Variants in NAALADL2 observed in about 807,000 individuals in gnomAD.
The protein encoded by NAALADL2 is inactive N-acetylated-alpha-linked acidic dipeptidase-like protein 2.
Under a neutral mutation model 87.2 loss-of-function variants are expected in NAALADL2, and 76 were observed. The observed-to-expected ratio is 0.87, with a 90% CI of 0.72 to 1.05. NAALADL2 has a LOEUF of 1.05. Ranked by LOEUF, NAALADL2 falls within the 50% of genes least tolerant of loss-of-function variation. The pLI, the probability that NAALADL2 is intolerant of heterozygous loss-of-function variation, is 0.00. For synonymous variants in NAALADL2, 354 were observed against 331.0 expected, an observed-to-expected ratio of 1.07 and a Z score of -0.75; for missense variants, 1,089 against 945.8, an observed-to-expected ratio of 1.15 and a Z score of -1.99.
intron 5 of NAALADL2, among the ~76,000 whole-genome samples, chr3:175,406,983 C>T (rs1415288412): frequency 1.3e-5 from 2 of 152,030 alleles, no homozygotes; most frequent in Non-Finnish European, 2.9e-5. Flanking sequence ...GATTTCAAGA[C>T]CAGCCTGGCT....
intron 2 of NAALADL2, among the ~76,000 whole-genome samples, chr3:174,626,225 A>G (rs1721564432): frequency 6.6e-6 from 1 of 151,834 alleles, no homozygotes; most frequent in Non-Finnish European, 1.5e-5. Context: ...AGTTAGTTTT[A>G]AATTCAAATA....
intron 1 of NAALADL2, among the ~76,000 whole-genome samples, chr3:175,058,402 A>G (rs149758906): frequency 2.5e-3 from 382 of 152,322 alleles, no homozygotes; most frequent in Non-Finnish European, 4.3e-3. Context: ...TGCTATTAAT[A>G]TATTAGTAAC....
chr3:175,288,282 T>G (rs1488946446), intron 4 of NAALADL2, among the ~76,000 whole-genome samples: 1 of 152,238 alleles, frequency 6.6e-6, no homozygotes, highest in South Asian at 2.1e-4. Flanking sequence ...TTTTGTTCTA[T>G]TCAGGCCTTC....
chr3:175,032,528 T>G (rs1474412448), intron 1 of NAALADL2, among the ~76,000 whole-genome samples: 3 of 152,032 alleles, frequency 2.0e-5, no homozygotes, highest in Non-Finnish European at 4.4e-5. Flanking sequence ...ATATAGAACT[T>G]GTACCACAAT....
intron 1 of NAALADL2, among the ~76,000 whole-genome samples, chr3:175,083,730 A>C (rs964647229): frequency 6.6e-6 from 1 of 152,202 alleles, no homozygotes; most frequent in African/African-American, 2.4e-5. Context: ...TATGTAGATG[A>C]GGTATTACTA....
At chr3:175,783,232 A>G (rs1204957274) in intron 13 of NAALADL2, among the ~76,000 whole-genome samples, 1 of 152,130 alleles carries the variant, frequency 6.6e-6, no homozygotes. Flanking sequence ...GTTTTTTCCA[A>G]TTCTGTGAAG....
intron 9 of NAALADL2, among the ~76,000 whole-genome samples, chr3:175,545,996 G>A (rs908857803): frequency 6.6e-6 from 1 of 152,078 alleles, no homozygotes; most frequent in African/African-American, 2.4e-5. Context: ...CTGGTATTTT[G>A]ATAAGGTAAA....
intron 1 of NAALADL2, among the ~76,000 whole-genome samples, chr3:174,911,714 A>AT (rs370127028): frequency 1.9e-4 from 29 of 152,252 alleles, no homozygotes; most frequent in African/African-American, 7.0e-4. Context: ...AGTACACCTT[A>AT]TATTCCTGTC....
intron 2 of NAALADL2, among the ~76,000 whole-genome samples, chr3:174,590,030 A>C (rs1330101999): frequency 3.3e-5 from 5 of 152,150 alleles, no homozygotes; most frequent in African/African-American, 7.2e-5. Flanking sequence ...CTGAGAGGGT[A>C]GCATTAAGGA....
At chr3:174,977,974 C>G (rs989443838) in intron 1 of NAALADL2, among the ~76,000 whole-genome samples, 1 of 152,082 alleles carries the variant, frequency 6.6e-6, no homozygotes, top group Non-Finnish European at 1.5e-5. Flanking sequence ...TATTGAGGTT[C>G]AAAGAAAGTT....
At chr3:175,669,271 G>A (rs1010817736) in intron 11 of NAALADL2, among the ~76,000 whole-genome samples, 3 of 152,036 alleles carry the variant, frequency 2.0e-5, no homozygotes, top group Admixed American at 2.0e-4. Flanking sequence ...GAAGTCATGT[G>A]ACAATCTATT....
intron 2 of NAALADL2, among the ~76,000 whole-genome samples, chr3:175,119,734 GAT>G (rs1394236476): frequency 9.6e-6 from 1 of 103,876 alleles, no homozygotes; most frequent in African/African-American, 4.0e-5. Flanking sequence ...AATAAGAATA[GAT>G]ATATACTTAT....
chr3:174,603,732 T>C (rs903754156), intron 2 of NAALADL2, among the ~76,000 whole-genome samples: 6 of 152,080 alleles, frequency 3.9e-5, no homozygotes, highest in African/African-American at 9.7e-5. Flanking sequence ...ACAGCCCTCT[T>C]AGTACTGATT....
intron 4 of NAALADL2, among the ~76,000 whole-genome samples, chr3:175,297,199 A>G (rs1324525177): frequency 6.6e-6 from 1 of 152,236 alleles, no homozygotes; most frequent in African/African-American, 2.4e-5. Context: ...GGCCCTTGAA[A>G]GAAAAGGTTT....
At chr3:174,566,489 A>G (rs73042626) in intron 2 of NAALADL2, among the ~76,000 whole-genome samples, 3,691 of 151,754 alleles carry the variant, frequency 0.024, 176 homozygotes, top group African/African-American at 0.085. Flanking sequence ...GTGCCTAAGC[A>G]TGTATTCTTT....
chr3:174,540,833 C>CT (rs1417888955), intron 1 of NAALADL2: 14 of 152,168 alleles, frequency 9.2e-5, no homozygotes, highest in Non-Finnish European at 1.8e-4. Flanking sequence ...GCCTTGGAGA[C>CT]TAAGAACTTT....
chr3:175,579,900 C>A (rs1719508809), intron 10 of NAALADL2, among the ~76,000 whole-genome samples: 1 of 152,114 alleles, frequency 6.6e-6, no homozygotes, highest in Non-Finnish European at 1.5e-5. Context: ...GAAGATCAAT[C>A]CATGCCCTAG....
intron 5 of NAALADL2, among the ~76,000 whole-genome samples, chr3:175,342,938 G>A (rs1242380045): frequency 6.6e-6 from 1 of 152,014 alleles, no homozygotes; most frequent in Non-Finnish European, 1.5e-5. Flanking sequence ...TCGCTTTAGT[G>A]TAGTGAAATT....
At chr3:175,183,325 T>C (rs1433225244) in intron 2 of NAALADL2, among the ~76,000 whole-genome samples, 5 of 152,034 alleles carry the variant, frequency 3.3e-5, no homozygotes, top group Admixed American at 6.6e-5. Flanking sequence ...TCGTGACTTA[T>C]ATATCTTTCT....
Sources: gnomAD v4.1 joint callset for allele counts (sites outside exome capture counted in the v4.1 genomes callset) on GRCh38, gnomAD v4.1.1 for gene constraint, MANE v1.5 for transcripts, NCBI Gene and HGNC (gene_info 2026-07-23, HGNC 2026-07-21) for gene names.